OSMR: variants seen among roughly 807,000 people sequenced by gnomAD.
The protein encoded by OSMR is oncostatin M receptor.
OSMR carries 81 observed loss-of-function variants against 99.9 expected under a neutral mutation model. The observed-to-expected ratio is 0.81, with a 90% CI of 0.68 to 0.97. OSMR has a LOEUF of 0.97. Among genes scored for constraint, OSMR ranks in the 50% least tolerant of loss-of-function variants. The pLI is 0.00. For synonymous variants in OSMR, 406 were observed against 410.4 expected, an observed-to-expected ratio of 0.99 and a Z score of 0.13; for missense variants, 1,099 against 1,153.4, an observed-to-expected ratio of 0.95 and a Z score of 0.68.
At chr5:38,891,415 T>TAG (rs1744150323) in intron 7 of OSMR, among the ~76,000 whole-genome samples, 1 of 152,180 alleles carries the variant, frequency 6.6e-6, no homozygotes, top group African/African-American at 2.4e-5. Context: ...GGTCTATAAA[T>TAG]ACTAGCTCTT....
intron 1 of OSMR, among the ~76,000 whole-genome samples, chr5:38,861,867 CG>C (rs1329224776): frequency 5.2e-5 from 7 of 134,074 alleles, no homozygotes; most frequent in South Asian, 2.4e-4. Context: ...GCTGGCCGGG[CG>C]GGGGGCTGAC....
chr5:38,884,676 TA>T (rs1243610837), intron 5 of OSMR, among the ~76,000 whole-genome samples: 1 of 152,242 alleles, frequency 6.6e-6, no homozygotes, highest in African/African-American at 2.4e-5. Context: ...TGGAGGCCAT[TA>T]CTGTTCTTAA....
chr5:38,917,678 A>G, intron 10 of OSMR, 56 bp downstream of exon 10: 1 of 1,398,276 alleles, frequency 7.2e-7, no homozygotes, highest in Non-Finnish European at 1.0e-6. Context: ...ATTTGTGGAA[A>G]CAAATGTGTC....
intron 3 of OSMR, among the ~76,000 whole-genome samples, chr5:38,880,867 T>C (rs1743227835): frequency 6.6e-6 from 1 of 152,192 alleles, no homozygotes; most frequent in East Asian, 1.9e-4. Context: ...CTCAGAAAGA[T>C]GAAGGCTAAA....
chr5:38,857,699 G>T (rs1052442250), intron 1 of OSMR, among the ~76,000 whole-genome samples: 2 of 151,608 alleles, frequency 1.3e-5, no homozygotes, highest in African/African-American at 2.4e-5. Flanking sequence ...ATGGAGTCTC[G>T]CTGTGTCGCC....
chr5:38,868,321 T>G (rs1742099212), intron 1 of OSMR, among the ~76,000 whole-genome samples: 1 of 152,194 alleles, frequency 6.6e-6, no homozygotes, highest in Non-Finnish European at 1.5e-5. Context: ...GAGGTGGCCC[T>G]CTCTGTTTCA....
chr5:38,875,639 G>T (rs1561354427), intron 2 of OSMR, among the ~76,000 whole-genome samples: 2 of 152,072 alleles, frequency 1.3e-5, no homozygotes, highest in Admixed American at 1.3e-4. Flanking sequence ...TAGGAACCTT[G>T]TCACAATTAT....
At position 38,885,436 on chromosome 5, in the gene OSMR, C is replaced by T. The variant is rs1743636410; in HGVS notation, c.791C>T (p.Ala264Val). Residue 264 changes from alanine to valine, a missense_variant, in exon 6 of 18, where the codon GCC becomes GTC. Physicochemically the swap from Ala to Val is moderately conservative, Grantham distance 64 (BLOSUM62 0). Transcript: ENST00000274276. ...HCTWDPGTDT[A>V]LGWSKQPSQS... ...ACTTGGGATCCTGGGACGGACACTG[C>T]CTTGGGGTGGTCTAAACAACCTTCC... is the stretch of plus-strand genomic sequence containing the variant. 1.9e-6 allele frequency: 3 copies of T among 1,614,030 alleles called. No individual in the cohort carries two copies. The East Asian group carries it at 6.7e-5, about 36-fold the overall frequency.
Position 38,933,719 on chromosome 5 carries a change from C to A in OSMR, c.*275C>A. On this transcript the variant is annotated 3_prime_UTR_variant, in exon 18 of 18. Coordinates refer to ENST00000274276, the MANE Select transcript of OSMR (RefSeq NM_003999.3). ...TCACCTTTAGAACAGGAGACTTGAGCTTGACCTAAGGATATGCATTAACCA... is the reference window on the plus strand; with the variant it reads ...TCACCTTTAGAACAGGAGACTTGAGATTGACCTAAGGATATGCATTAACCA... 2.0e-6 allele frequency: 1 copy of A among 490,292 alleles called. No homozygotes were observed. Among genetic ancestry groups the A allele is most frequent in the Non-Finnish European group, 3.7e-6 (1 of 268,948 alleles). 30.4% of individuals were successfully genotyped at this position (490,292 alleles called of 1,614,324 possible).
intron 11 of OSMR, among the ~76,000 whole-genome samples, chr5:38,920,140 A>G (rs894603306): frequency 1.3e-5 from 2 of 152,094 alleles, no homozygotes; most frequent in Non-Finnish European, 2.9e-5. Context: ...GCTGAGAGCA[A>G]TTATGTATTT....
chr5:38,940,401 G>A (rs921554219), downstream of OSMR: 11 of 232,216 alleles, frequency 4.7e-5, no homozygotes, highest in Non-Finnish European at 9.4e-5. Flanking sequence ...TTCCTTTGGA[G>A]GTTTTAACCA....
intron 1 of OSMR, among the ~76,000 whole-genome samples, chr5:38,854,211 T>A (rs1740676013): frequency 1.3e-5 from 2 of 152,252 alleles, no homozygotes. Flanking sequence ...TAAGACATCA[T>A]CAGGTCACCC....
Position 38,918,799 on chromosome 5 carries a change from A to G in OSMR, c.1363-41A>G, listed in dbSNP as rs1238792373. ...AAAGGAGTTGTACAAATTCCTTTCA[A>G]TTAAAACCCATTTAAAAATGTTTAT... On this transcript the variant is annotated intron_variant, in intron 10 of 17. Transcript: ENST00000274276. The G allele has an allele frequency of 5.0e-6, 8 of 1,609,692 alleles. No individual in the cohort carries two copies. In the Admixed American group the frequency reaches 6.7e-5, roughly 13 times the overall value.
At chr5:38,897,227 A>AT (rs1744582245) in intron 7 of OSMR, among the ~76,000 whole-genome samples, 1 of 152,052 alleles carries the variant, frequency 6.6e-6, no homozygotes, top group Non-Finnish European at 1.5e-5. Context: ...TAGAATTGAT[A>AT]TTAGTTCTTT....
In OSMR at chr5:38,921,661, T is replaced by C. The variant is rs766003323; in HGVS notation, c.1632T>C (p.Ser544=). Residue 544 remains serine, a synonymous_variant, in exon 12 of 18, where the codon TCT becomes TCC. Transcript: ENST00000274276. ...ERIAGTEGGF[S]LSWKPQPGDV... is the part of the protein sequence containing the mutation. ...TTGCAGGCACAGAGGGTGGATTCTC[T>C]CTGTCTTGGAAACCCCAACCTGGAG... is the stretch of plus-strand genomic sequence containing the variant. 6.2e-7 allele frequency: 1 copy of C among 1,614,200 alleles called. No individual in the cohort carries two copies. The highest frequency in any genetic ancestry group is 8.5e-7 in the Non-Finnish European group (1 of 1,180,012).
intron 1 of OSMR, among the ~76,000 whole-genome samples, chr5:38,862,732 A>C (rs1317339274): frequency 4.9e-5 from 7 of 142,984 alleles, no homozygotes; most frequent in East Asian, 2.2e-4. Context: ...GGCGGCCGGG[A>C]AGAGGCGCTC....
At chr5:38,945,308 C>T, downstream of OSMR, 2 of 613,530 alleles carry the variant, frequency 3.3e-6, no homozygotes, top group Non-Finnish European at 5.7e-6. Flanking sequence ...GACTCAGGCC[C>T]CACTGTGACC....
intron 1 of OSMR, among the ~76,000 whole-genome samples, chr5:38,863,992 A>T (rs898376044): frequency 6.6e-6 from 1 of 152,098 alleles, no homozygotes; most frequent in African/African-American, 2.4e-5. Flanking sequence ...TTTGATTTCA[A>T]TTTGCATAGA....
chr5:38,930,920 TTGTGTGTGTGTGTG>T (rs55964556), intron 15 of OSMR, among the ~76,000 whole-genome samples: 23,816 of 141,886 alleles, frequency 0.17, 2,009 homozygotes, highest in East Asian at 0.27. Flanking sequence ...CAGAAGCATT[TTGTGTGTGTGTGTG>T]TGTGTGTGTG....
Sources: gnomAD v4.1 joint callset for allele counts (sites outside exome capture counted in the v4.1 genomes callset) on GRCh38, gnomAD v4.1.1 for gene constraint, MANE v1.5 for transcripts, NCBI Gene and HGNC (gene_info 2026-07-23, HGNC 2026-07-21) for gene names.